The following HNRNPC variants were observed in gnomAD, a reference collection of about 807,000 sequenced individuals.
HNRNPC encodes the protein heterogeneous nuclear ribonucleoprotein C.
In HNRNPC, 3 loss-of-function variants were observed where a neutral mutation model predicts 33.2. That is an observed-to-expected ratio of 0.09 (90% confidence interval 0.04 to 0.23). HNRNPC has a LOEUF of 0.23. Ranked by LOEUF, HNRNPC falls within the 10% of genes least tolerant of loss-of-function variation. The probability of loss-of-function intolerance (pLI) is 1.00; values close to 1 mark genes in which losing one functional copy is unlikely to be tolerated. For synonymous variants in HNRNPC, 121 were observed against 126.7 expected (o/e 0.96, Z 0.30); for missense variants, 143 against 366.7 (o/e 0.39, Z 4.98).
chr14:21,252,829 T>C (rs1205307085), intron 2 of HNRNPC, among the ~76,000 whole-genome samples: 1 of 152,116 alleles, frequency 6.6e-6, no homozygotes, highest in African/African-American at 2.4e-5. Context: ...GACAAGTACA[T>C]GGAAGTTCAT....
At chr14:21,268,016 G>T in intron 1 of HNRNPC, among the ~76,000 whole-genome samples, 1 of 152,104 alleles carries the variant, frequency 6.6e-6, no homozygotes, top group Non-Finnish European at 1.5e-5. Flanking sequence ...CCTTACAGAT[G>T]AATTTCTTAC....
At chr14:21,250,811 G>C (rs1896563223) in intron 2 of HNRNPC, among the ~76,000 whole-genome samples, 3 of 152,146 alleles carry the variant, frequency 2.0e-5, no homozygotes, top group Admixed American at 1.3e-4. Context: ...AATAAAAAAG[G>C]AGTGAAAAGT....
chr14:21,212,726 T>C (rs1237258211), intron 6 of HNRNPC, among the ~76,000 whole-genome samples: 3 of 152,044 alleles, frequency 2.0e-5, no homozygotes, highest in Admixed American at 1.3e-4. Flanking sequence ...GTATTTTCGG[T>C]AGAGATGGGG....
At chr14:21,265,116 T>C (rs1230562167) in intron 1 of HNRNPC, 1 of 152,196 alleles carries the variant, frequency 6.6e-6, no homozygotes, top group Non-Finnish European at 1.5e-5. Context: ...AAAAGAACAG[T>C]GTAGGAATGA....
At chr14:21,229,053 C>T (rs1398377905) in intron 5 of HNRNPC, among the ~76,000 whole-genome samples, 2 of 147,968 alleles carry the variant, frequency 1.4e-5, no homozygotes, top group South Asian at 2.2e-4. Context: ...CCACTTCACT[C>T]CAGCCTGGTG....
chr14:21,215,515 C>T (rs112889038), intron 5 of HNRNPC, among the ~76,000 whole-genome samples: 1,704 of 152,306 alleles, frequency 0.011, 16 homozygotes, highest in Non-Finnish European at 0.017. Context: ...TGTAACTGCA[C>T]CCATAATCAA....
At chr14:21,225,279 A>G (rs78858852) in intron 5 of HNRNPC, among the ~76,000 whole-genome samples, 1 of 151,878 alleles carries the variant, frequency 6.6e-6, no homozygotes, top group African/African-American at 2.4e-5. Context: ...AAAAAAAAAA[A>G]TTAGCCACGC....
intron 2 of HNRNPC, among the ~76,000 whole-genome samples, chr14:21,256,892 G>C (rs989275762): frequency 2.0e-5 from 3 of 152,094 alleles, no homozygotes; most frequent in Admixed American, 1.3e-4. Flanking sequence ...GAGCTCAAGC[G>C]ATGCGCCTCC....
chr14:21,235,540 CTG>C (rs1048115365), intron 2 of HNRNPC, among the ~76,000 whole-genome samples: 2 of 152,176 alleles, frequency 1.3e-5, no homozygotes, highest in Admixed American at 1.3e-4. Context: ...ATTCAAAAGT[CTG>C]TCTTTGTTAC....
At chr14:21,240,060 A>G (rs1231811400) in intron 2 of HNRNPC, among the ~76,000 whole-genome samples, 2 of 152,170 alleles carry the variant, frequency 1.3e-5, no homozygotes, top group Non-Finnish European at 2.9e-5. Context: ...CAGGAATACT[A>G]AGTTATTTCT....
chr14:21,222,931 T>A (rs1007162054), intron 5 of HNRNPC, among the ~76,000 whole-genome samples: 1 of 151,446 alleles, frequency 6.6e-6, no homozygotes, highest in African/African-American at 2.4e-5. Context: ...CTGGGCGTGA[T>A]GGCTCACGCC....
At chr14:21,266,676 T>G (rs1302614585) in intron 1 of HNRNPC, among the ~76,000 whole-genome samples, 1 of 149,358 alleles carries the variant, frequency 6.7e-6, no homozygotes, top group Non-Finnish European at 1.5e-5. Flanking sequence ...ACCTTCCCAT[T>G]TCCAATGAGA....
At chr14:21,245,602 G>A (rs1895894745) in intron 2 of HNRNPC, among the ~76,000 whole-genome samples, 1 of 152,148 alleles carries the variant, frequency 6.6e-6, no homozygotes, top group South Asian at 2.1e-4. Flanking sequence ...CTGAGTGAGT[G>A]GTGGGTTTGA....
At chr14:21,226,199 G>A (rs1893400769) in intron 5 of HNRNPC, among the ~76,000 whole-genome samples, 1 of 151,618 alleles carries the variant, frequency 6.6e-6, no homozygotes, top group Non-Finnish European at 1.5e-5. Flanking sequence ...GTGTGCACCT[G>A]TAATCCTAGC....
chr14:21,253,173 T>TAAA (rs544647664), intron 2 of HNRNPC, among the ~76,000 whole-genome samples: 2 of 118,784 alleles, frequency 1.7e-5, no homozygotes, highest in African/African-American at 3.1e-5. Flanking sequence ...ACTCTGTCTT[T>TAAA]AAAAAAAAAA....
chr14:21,261,551 G>C (rs1878253051), intron 2 of HNRNPC, among the ~76,000 whole-genome samples: 2 of 152,042 alleles, frequency 1.3e-5, no homozygotes, highest in South Asian at 4.1e-4. Flanking sequence ...TGGTATAAGG[G>C]GGCAAGTTTG....
intron 2 of HNRNPC, among the ~76,000 whole-genome samples, chr14:21,247,659 C>T (rs1002028340): frequency 2.0e-5 from 3 of 151,772 alleles, no homozygotes; most frequent in African/African-American, 7.3e-5. Context: ...TACAAAAATA[C>T]CTATCCTTGG....
At chr14:21,248,917 A>T (rs1896302318) in intron 2 of HNRNPC, among the ~76,000 whole-genome samples, 1 of 144,940 alleles carries the variant, frequency 6.9e-6, no homozygotes, top group African/African-American at 2.7e-5. Context: ...GGAGAAAACA[A>T]GTGCCTGACA....
At chr14:21,226,651 G>C (rs993826107) in intron 5 of HNRNPC, among the ~76,000 whole-genome samples, 1 of 152,020 alleles carries the variant, frequency 6.6e-6, no homozygotes, top group Non-Finnish European at 1.5e-5. Flanking sequence ...GAGCCCAGGC[G>C]GGTGGACCAC....
Sources: gnomAD v4.1 joint callset for allele counts (sites outside exome capture counted in the v4.1 genomes callset) on GRCh38, gnomAD v4.1.1 for gene constraint, MANE v1.5 for transcripts, NCBI Gene and HGNC (gene_info 2026-07-23, HGNC 2026-07-21) for gene names.